ARHGAP18: variants seen among roughly 807,000 people sequenced by gnomAD.
The protein encoded by ARHGAP18 is rho GTPase-activating protein 18.
Under a neutral mutation model 86.2 loss-of-function variants are expected in ARHGAP18, and 67 were observed. The ratio of observed to expected loss-of-function variants is 0.78; its 90% CI spans 0.64 to 0.95. The LOEUF is 0.95. Ranked by LOEUF, ARHGAP18 falls within the 40% of genes least tolerant of loss-of-function variation. The pLI is 0.00. For synonymous variants in ARHGAP18, 283 were observed against 280.4 expected (o/e 1.01, Z -0.09); for missense variants, 691 against 780.4 (o/e 0.89, Z 1.37).
At chr6:129,616,475 C>G (rs1664575307) in intron 6 of ARHGAP18, among the ~76,000 whole-genome samples, 172 bp from the exon 7 acceptor site, 1 of 152,090 alleles carries the variant, frequency 6.6e-6, no homozygotes, top group Admixed American at 6.5e-5. Flanking sequence ...ATAGTAAAAT[C>G]CTGGCCCTGC....
intron 1 of ARHGAP18, among the ~76,000 whole-genome samples, chr6:129,653,189 G>T (rs1282508021): frequency 2.0e-5 from 3 of 151,904 alleles, no homozygotes; most frequent in Non-Finnish European, 4.4e-5. Flanking sequence ...GCCAGCAAAA[G>T]AAAAAACACA....
Position 129,617,290 on chromosome 6 carries a change from A to G in ARHGAP18, c.953-987T>C, listed in dbSNP as rs1789117339. Among the ~76,000 whole-genome samples the G allele has an allele frequency of 2.6e-5, 4 of 152,202 alleles. No homozygotes were observed. The South Asian group carries it at 8.3e-4, about 31-fold the overall frequency. Reference sequence around the variant, plus strand: ...TGAGTGGACGGTTAGCACCAAAGTGATAACTTTTTCCTTTATGACGTACAT... The same window carrying G: ...TGAGTGGACGGTTAGCACCAAAGTGGTAACTTTTTCCTTTATGACGTACAT... On this transcript the variant is annotated intron_variant, in intron 6 of 14. Transcript: ENST00000368149.
chr6:129,670,612 A>G (rs1774124920), intron 1 of ARHGAP18, among the ~76,000 whole-genome samples: 1 of 152,168 alleles, frequency 6.6e-6, no homozygotes, highest in African/African-American at 2.4e-5. Flanking sequence ...AATTATTTGA[A>G]AAGTCTCTTA....
At chr6:129,666,156 AGGAGCACCAG>A (rs1025914595) in intron 1 of ARHGAP18, among the ~76,000 whole-genome samples, 2 of 152,182 alleles carry the variant, frequency 1.3e-5, no homozygotes, top group African/African-American at 4.8e-5. Flanking sequence ...GGACTGATCC[AGGAGCACCAG>A]GGAGCAGCAG....
chr6:129,677,713 G>C (rs1252188200), intron 1 of ARHGAP18, among the ~76,000 whole-genome samples: 3 of 152,150 alleles, frequency 2.0e-5, no homozygotes, highest in African/African-American at 4.8e-5. Context: ...TCAGAATTCT[G>C]TTATCATTAA....
At chr6:129,596,587 T>C (rs1468191726) in intron 12 of ARHGAP18, among the ~76,000 whole-genome samples, 2 of 152,190 alleles carry the variant, frequency 1.3e-5, no homozygotes, top group Non-Finnish European at 1.5e-5. Flanking sequence ...TCTTTGTATG[T>C]TTTGTCCAAT....
intron 1 of ARHGAP18, among the ~76,000 whole-genome samples, chr6:129,655,332 A>G (rs868391358): frequency 0.077 from 10,898 of 141,418 alleles, 403 homozygotes; most frequent in Middle Eastern, 0.13. Context: ...AAAAAAAAAA[A>G]AAAAAAAAAG....
chr6:129,627,462 C>CA (rs1641298947), intron 5 of ARHGAP18, among the ~76,000 whole-genome samples: 1 of 151,986 alleles, frequency 6.6e-6, no homozygotes, highest in African/African-American at 2.4e-5. Context: ...TTGACTCCCC[C>CA]CCAAAAAAGT....
intron 4 of ARHGAP18, among the ~76,000 whole-genome samples, chr6:129,631,105 C>G (rs760229507): frequency 3.9e-5 from 6 of 152,054 alleles, no homozygotes; most frequent in Non-Finnish European, 8.8e-5. Context: ...CTGGTTTATT[C>G]TCTTTTATGT....
intron 1 of ARHGAP18, among the ~76,000 whole-genome samples, chr6:129,693,769 A>AC (rs34589509): frequency 0.2 from 30,850 of 152,124 alleles, 3,485 homozygotes; most frequent in South Asian, 0.3. Flanking sequence ...TATTTCATGT[A>AC]CCTGAGTTTT....
chr6:129,649,899 G>A (rs993484566), intron 1 of ARHGAP18, among the ~76,000 whole-genome samples: 6 of 146,188 alleles, frequency 4.1e-5, no homozygotes, highest in African/African-American at 1.5e-4. Flanking sequence ...ACTCTACTTC[G>A]TCTTCTTTTT....
At chr6:129,599,069 G>A in intron 12 of ARHGAP18, 147 bp downstream of exon 12, 2 of 631,054 alleles carry the variant, frequency 3.2e-6, no homozygotes, top group Non-Finnish European at 4.9e-6. Context: ...GTAGTAGGAA[G>A]ACAGTTACTG....
intron 1 of ARHGAP18, among the ~76,000 whole-genome samples, chr6:129,674,384 T>A (rs936605580): frequency 1.3e-5 from 2 of 152,178 alleles, no homozygotes; most frequent in African/African-American, 4.8e-5. Context: ...AATTCTATGG[T>A]TCTAGGACAC....
chr6:129,683,866 C>CG (rs907775795), intron 1 of ARHGAP18, among the ~76,000 whole-genome samples: 12 of 151,866 alleles, frequency 7.9e-5, no homozygotes, highest in South Asian at 4.2e-4. Context: ...GTAACCACGG[C>CG]GGGGGGGAGT....
chr6:129,628,311 A>G (rs1455302072), intron 5 of ARHGAP18, among the ~76,000 whole-genome samples: 1 of 152,162 alleles, frequency 6.6e-6, no homozygotes, highest in East Asian at 1.9e-4. Flanking sequence ...ATTACGGAAG[A>G]CTGTGTCAGC....
At chr6:129,607,770 A>C in intron 9 of ARHGAP18, 123 bp downstream of exon 9, 6 of 1,034,450 alleles carry the variant, frequency 5.8e-6, no homozygotes, top group Non-Finnish European at 8.0e-6. Context: ...CACTGACATC[A>C]GTTGAGTCAA....
chr6:129,625,568 T>TTATA (rs1789400009), intron 5 of ARHGAP18, among the ~76,000 whole-genome samples: 1 of 73,826 alleles, frequency 1.4e-5, no homozygotes, highest in South Asian at 4.3e-4. Flanking sequence ...ATATTATATA[T>TTATA]CATTATACAT....
At chr6:129,707,722 C>CT (rs1774825647) in intron 1 of ARHGAP18, among the ~76,000 whole-genome samples, 1 of 148,732 alleles carries the variant, frequency 6.7e-6, no homozygotes, top group Non-Finnish European at 1.5e-5. Flanking sequence ...AGGCTGGTCT[C>CT]TAACTCCTGA....
At chr6:129,594,020 C>G (rs1322990745) in intron 12 of ARHGAP18, among the ~76,000 whole-genome samples, 1 of 152,100 alleles carries the variant, frequency 6.6e-6, no homozygotes, top group Non-Finnish European at 1.5e-5. Context: ...CTGTTTTACC[C>G]AGGCTGGCAT....
Sources: allele counts gnomAD v4.1 joint callset (sites outside exome capture counted in the v4.1 genomes callset), GRCh38; gene constraint gnomAD v4.1.1; transcripts MANE v1.5; gene names NCBI Gene and HGNC (gene_info 2026-07-23, HGNC 2026-07-21).